The following NXPH1 variants were observed in gnomAD, a reference collection of about 807,000 sequenced individuals.
The protein encoded by NXPH1 is neurexophilin 1, also known as neurexophilin-1.
In NXPH1, 5 loss-of-function variants were observed where a neutral mutation model predicts 23.7. The observed-to-expected ratio is 0.21, with a 90% CI of 0.11 to 0.44. NXPH1 has a LOEUF of 0.44. NXPH1 is among the 20% of genes least tolerant of loss of function. The pLI, the probability that NXPH1 is intolerant of heterozygous loss-of-function variation, is 0.99. For synonymous variants in NXPH1, 144 were observed against 122.2 expected, an observed-to-expected ratio of 1.18 and a Z score of -1.18; for missense variants, 324 against 321.6, an observed-to-expected ratio of 1.01 and a Z score of -0.06.
intron 2 of NXPH1, among the ~76,000 whole-genome samples, chr7:8,513,255 T>C (rs1429698223): frequency 3.9e-5 from 6 of 152,020 alleles, no homozygotes; most frequent in Non-Finnish European, 8.8e-5. Flanking sequence ...AAACAGAATA[T>C]ATAGGGATAT....
At position 8,470,477 on chromosome 7, in the gene NXPH1, T is replaced by C. The variant is rs185274063; in HGVS notation, c.54+34710T>C. Among the ~76,000 whole-genome samples, 70 of 152,316 alleles carry C rather than the reference T, an allele frequency of 4.6e-4. 1 individual carries two copies. Among genetic ancestry groups the C allele is most frequent in the Middle Eastern group, 3.4e-3 (1 of 294 alleles). On this transcript the variant is annotated intron_variant, in intron 2 of 2. Transcript: ENST00000405863. ...CCTAGATTCTCAGAAATTCATATTT[T>C]GCTTGAAGCTGAATCACTTCTGAAT...
At chr7:8,719,235 A>G (rs1779926386) in intron 2 of NXPH1, among the ~76,000 whole-genome samples, 2 of 152,210 alleles carry the variant, frequency 1.3e-5, no homozygotes, top group Non-Finnish European at 2.9e-5. Flanking sequence ...AATAGGAGAT[A>G]ATGACTGCTT....
intron 2 of NXPH1, among the ~76,000 whole-genome samples, chr7:8,610,392 T>G (rs1233775114): frequency 1.3e-5 from 2 of 152,162 alleles, no homozygotes; most frequent in Admixed American, 6.6e-5. Context: ...TATTTCCAGA[T>G]CTTCATTCCT....
In NXPH1 at chr7:8,434,751, G is replaced by A. The variant is rs1407078736; in HGVS notation, c.-115G>A. 1 of 152,712 alleles carries A rather than the reference G, an allele frequency of 6.5e-6. No individual in the cohort carries two copies. The highest frequency in any genetic ancestry group is 1.5e-5 in the Non-Finnish European group (1 of 68,168). The allele number at this position is 152,712 out of a possible 1,614,324, so 9.5% of individuals were successfully genotyped here. On this transcript the variant is annotated 5_prime_UTR_variant, in exon 1 of 3. It adds an upstream start codon to the 5' untranslated region. Transcript: ENST00000405863. This position sits in a 1 kb window ranked among gnomAD's most constrained non-coding sequence, Gnocchi z 7.6. ...TCTCGCAGGATTCGCCCCAAGTCCT[G>A]TGCGGTACGTACCCTTTGCCTCCGC...
At chr7:8,467,270 A>G (rs977413321) in intron 2 of NXPH1, among the ~76,000 whole-genome samples, 2 of 152,186 alleles carry the variant, frequency 1.3e-5, no homozygotes, top group Admixed American at 6.5e-5. Flanking sequence ...TTATAGATCT[A>G]TGAAAGGGTA....
chr7:8,669,408 G>C (rs575171873), intron 2 of NXPH1, among the ~76,000 whole-genome samples: 5 of 152,214 alleles, frequency 3.3e-5, no homozygotes, highest in Admixed American at 3.3e-4. Flanking sequence ...TGTGGGGGCT[G>C]GCCTGGCACT....
intron 2 of NXPH1, among the ~76,000 whole-genome samples, chr7:8,499,787 C>G (rs1265999223): frequency 6.6e-6 from 1 of 152,064 alleles, no homozygotes; most frequent in Admixed American, 6.6e-5. Flanking sequence ...TTGCACACTT[C>G]TGAGCATTGG....
At chr7:8,449,397 C>T (rs1042906824) in intron 2 of NXPH1, among the ~76,000 whole-genome samples, 7 of 152,174 alleles carry the variant, frequency 4.6e-5, no homozygotes, top group Admixed American at 1.3e-4. Context: ...AAGGATAAAA[C>T]GTTCCATATT....
chr7:8,577,613 T>G (rs1818778498), intron 2 of NXPH1, among the ~76,000 whole-genome samples: 1 of 152,186 alleles, frequency 6.6e-6, no homozygotes, highest in Admixed American at 6.5e-5. Flanking sequence ...ACTGTACTAG[T>G]GACTCTGGAC....
intron 2 of NXPH1, among the ~76,000 whole-genome samples, chr7:8,472,164 A>G (rs1305333143): frequency 1.3e-5 from 2 of 152,090 alleles, no homozygotes; most frequent in Non-Finnish European, 2.9e-5. Flanking sequence ...GTATATTCAT[A>G]TTGGAACTGT....
chr7:8,501,213 T>C (rs1441964066), intron 2 of NXPH1, among the ~76,000 whole-genome samples: 2 of 152,098 alleles, frequency 1.3e-5, no homozygotes, highest in African/African-American at 4.8e-5. Context: ...ATAATGTGGC[T>C]ATCAGTTCTC....
intron 2 of NXPH1, among the ~76,000 whole-genome samples, chr7:8,686,288 C>A (rs939318636): frequency 6.6e-6 from 1 of 151,992 alleles, no homozygotes; most frequent in Admixed American, 6.6e-5. Context: ...TCTTTCCTTA[C>A]GTCTAATGAA....
chr7:8,660,682 C>G (rs117793603), intron 2 of NXPH1, among the ~76,000 whole-genome samples: 1 of 152,026 alleles, frequency 6.6e-6, no homozygotes, highest in East Asian at 1.9e-4. Flanking sequence ...GCTTCTTTGG[C>G]GCAATAATAA....
chr7:8,744,092 T>A (rs1780427010), intron 2 of NXPH1, among the ~76,000 whole-genome samples: 1 of 152,184 alleles, frequency 6.6e-6, no homozygotes, highest in Non-Finnish European at 1.5e-5. Context: ...TGATGTTAGA[T>A]CTAAGCTTGG....
In NXPH1 at chr7:8,735,465, C is replaced by A. The variant is rs544854283; in HGVS notation, c.55-15543C>A. ...TACTGATTTGTGTATGTTGAACCAG[C>A]CTTGCATCCCAGGGATGAAGCCGAC... On this transcript the variant is annotated intron_variant, in intron 2 of 2. Coordinates refer to ENST00000405863, the MANE Select transcript of NXPH1 (RefSeq NM_152745.3). Among the ~76,000 whole-genome samples, 11 of 152,276 alleles carry A rather than the reference C, an allele frequency of 7.2e-5. No homozygotes were observed. In the East Asian group the frequency reaches 2.1e-3, roughly 29 times the overall value.
intron 2 of NXPH1, among the ~76,000 whole-genome samples, chr7:8,451,995 T>A (rs1302693071): frequency 6.6e-6 from 1 of 152,174 alleles, no homozygotes; most frequent in Non-Finnish European, 1.5e-5. Context: ...AATTTTTGAA[T>A]GAAAATTGGG....
chr7:8,622,025 G>A (rs1043555709), intron 2 of NXPH1, among the ~76,000 whole-genome samples: 1 of 151,994 alleles, frequency 6.6e-6, no homozygotes, highest in East Asian at 1.9e-4. Flanking sequence ...TGCACATTTC[G>A]GTGAGTATTG....
intron 2 of NXPH1, among the ~76,000 whole-genome samples, chr7:8,630,971 A>G (rs140495172): frequency 1.0e-3 from 158 of 151,996 alleles, no homozygotes; most frequent in African/African-American, 3.4e-3. Context: ...GTTCCCCTCT[A>G]TGTGTTCATG....
At chr7:8,480,766 C>G (rs907538242) in intron 2 of NXPH1, among the ~76,000 whole-genome samples, 1 of 152,116 alleles carries the variant, frequency 6.6e-6, no homozygotes, top group Admixed American at 6.6e-5. Context: ...AAATGAGTCA[C>G]CAAGATTTGT....
Sources: allele counts gnomAD v4.1 joint callset (sites outside exome capture counted in the v4.1 genomes callset), GRCh38; gene constraint gnomAD v4.1.1; non-coding constraint Gnocchi (gnomAD v3.1); transcripts MANE v1.5; gene names NCBI Gene and HGNC (gene_info 2026-07-23, HGNC 2026-07-21).